SPOCK3: variants seen among roughly 807,000 people sequenced by gnomAD.
The protein encoded by SPOCK3 is testican-3.
A neutral mutation model predicts 56.6 loss-of-function variants in SPOCK3; 30 were observed. The observed-to-expected ratio is 0.53, with a 90% CI of 0.40 to 0.72. SPOCK3 has a LOEUF of 0.72. Among genes scored for constraint, SPOCK3 ranks in the 30% least tolerant of loss-of-function variants. The pLI, the probability that SPOCK3 is intolerant of heterozygous loss-of-function variation, is 0.00. For missense variants in SPOCK3, 527 were observed against 530.0 expected, an observed-to-expected ratio of 0.99 and a Z score of 0.06; for synonymous variants, 196 against 183.3, an observed-to-expected ratio of 1.07 and a Z score of -0.56.
At chr4:166,912,597 T>G (rs918992315) in intron 5 of SPOCK3, 23 bp downstream of exon 5, 2 of 1,612,424 alleles carry the variant, frequency 1.2e-6, no homozygotes, top group Middle Eastern at 1.7e-4. Flanking sequence ...TATTTCAAAC[T>G]AAACAACTGT....
intron 2 of SPOCK3, among the ~76,000 whole-genome samples, chr4:167,064,666 AT>A (rs1179183892): frequency 1.3e-5 from 2 of 151,892 alleles, no homozygotes; most frequent in Admixed American, 6.6e-5. Context: ...TGAGTGATGG[AT>A]TTGGAGACGG....
chr4:167,148,494 A>AC (rs1764160494), intron 2 of SPOCK3, among the ~76,000 whole-genome samples: 1 of 152,196 alleles, frequency 6.6e-6, no homozygotes, highest in Non-Finnish European at 1.5e-5. Context: ...CAATCGTGTT[A>AC]AACTTTTACT....
At chr4:166,975,544 A>G (rs2150081969) in intron 4 of SPOCK3, among the ~76,000 whole-genome samples, 1 of 152,300 alleles carries the variant, frequency 6.6e-6, no homozygotes, top group East Asian at 1.9e-4. Context: ...AATATACTAT[A>G]AATTACTGTT....
At chr4:166,916,839 A>G (rs932480951) in intron 4 of SPOCK3, among the ~76,000 whole-genome samples, 4 of 152,206 alleles carry the variant, frequency 2.6e-5, no homozygotes, top group Non-Finnish European at 5.9e-5. Context: ...TCTTTAATAC[A>G]ATTACTTATA....
In SPOCK3 at chr4:166,949,998, C is replaced by T. The variant is rs957181341; in HGVS notation, c.351-37255G>A. Among the ~76,000 whole-genome samples, 5 of 150,818 alleles carry T rather than the reference C, an allele frequency of 3.3e-5. No individual in the cohort carries two copies. The East Asian group carries it at 9.6e-4, about 29-fold the overall frequency. On this transcript the variant is annotated intron_variant, in intron 4 of 10. Transcript: ENST00000357545. ...GCAAAATCATGCCAAAATGTAAAGA[C>T]CATCGAGACTAGGAAGAAACTGCAT...
chr4:166,748,401 A>G (rs1735931392), intron 8 of SPOCK3, among the ~76,000 whole-genome samples: 1 of 137,348 alleles, frequency 7.3e-6, no homozygotes, highest in African/African-American at 3.1e-5. Context: ...TTCCCTTTTT[A>G]ATAAATGGTG....
intron 5 of SPOCK3, among the ~76,000 whole-genome samples, chr4:166,896,002 C>A (rs945474824): frequency 6.6e-6 from 1 of 152,010 alleles, no homozygotes; most frequent in African/African-American, 2.4e-5. Flanking sequence ...GACACCAGGG[C>A]CCAGATCACA....
At chr4:166,860,643 A>G (rs1731128976) in intron 6 of SPOCK3, among the ~76,000 whole-genome samples, 1 of 151,584 alleles carries the variant, frequency 6.6e-6, no homozygotes, top group Admixed American at 6.6e-5. Context: ...AAGAATCAGG[A>G]AGATAGAAGA....
chr4:167,003,915 G>GT (rs1402698620), intron 3 of SPOCK3, among the ~76,000 whole-genome samples: 1 of 152,102 alleles, frequency 6.6e-6, no homozygotes, highest in Admixed American at 6.6e-5. Flanking sequence ...CAGAATACTT[G>GT]TTTTTTAGTC....
intron 7 of SPOCK3, among the ~76,000 whole-genome samples, chr4:166,762,706 C>T (rs889390000): frequency 6.6e-6 from 1 of 152,054 alleles, no homozygotes; most frequent in African/African-American, 2.4e-5. Flanking sequence ...CTATATGCAA[C>T]ATTCTAACTA....
chr4:167,061,533 T>G (rs1755607937), intron 3 of SPOCK3, among the ~76,000 whole-genome samples: 1 of 151,964 alleles, frequency 6.6e-6, no homozygotes, highest in African/African-American at 2.4e-5. Flanking sequence ...TATGTCTAGG[T>G]CCACACAGGT....
chr4:167,125,814 T>C (rs1234743668), intron 2 of SPOCK3, among the ~76,000 whole-genome samples: 1 of 152,214 alleles, frequency 6.6e-6, no homozygotes, highest in Non-Finnish European at 1.5e-5. Flanking sequence ...TTGACAGTGT[T>C]GGTGACTGAT....
At chr4:167,224,991 G>C (rs1736445626) in intron 2 of SPOCK3, among the ~76,000 whole-genome samples, 1 of 152,016 alleles carries the variant, frequency 6.6e-6, no homozygotes, top group African/African-American at 2.4e-5. Flanking sequence ...TACTGAAATA[G>C]CATAATTTAA....
chr4:167,033,392 C>CATTATT (rs55774234), intron 3 of SPOCK3, among the ~76,000 whole-genome samples: 3,919 of 146,532 alleles, frequency 0.027, 161 homozygotes, highest in African/African-American at 0.089. Flanking sequence ...AGCAATTATT[C>CATTATT]ATTATTATTA....
intron 2 of SPOCK3, among the ~76,000 whole-genome samples, chr4:167,199,902 TA>T (rs1013966948): frequency 2.0e-5 from 3 of 149,162 alleles, no homozygotes; most frequent in South Asian, 2.1e-4. Flanking sequence ...TACAAATAAA[TA>T]AAAAAATATG....
chr4:166,840,581 CAAATA>C (rs932401979), intron 6 of SPOCK3, among the ~76,000 whole-genome samples: 3 of 151,960 alleles, frequency 2.0e-5, no homozygotes, highest in East Asian at 1.9e-4. Context: ...TTATACAATG[CAAATA>C]AAATAAAATA....
intron 9 of SPOCK3, 101 bp downstream of exon 9, chr4:166,741,896 G>T: frequency 2.4e-6 from 2 of 822,544 alleles, no homozygotes; most frequent in South Asian, 1.6e-5. Flanking sequence ...GAAATTTAGT[G>T]CAGTCTATCT....
chr4:166,880,857 C>T (rs956382339), intron 6 of SPOCK3, among the ~76,000 whole-genome samples: 14 of 152,258 alleles, frequency 9.2e-5, no homozygotes, highest in African/African-American at 2.9e-4. Flanking sequence ...TTGAACCATC[C>T]GGTTTAACCT....
chr4:167,188,613 C>T lies in SPOCK3; in HGVS notation c.189+45372G>A, dbSNP rs891669757. 5.5e-5 allele frequency among the ~76,000 whole-genome samples: 8 copies of T among 144,466 alleles called. 2 individuals carry two copies. The highest frequency in any genetic ancestry group is 1.2e-4 in the Non-Finnish European group (8 of 66,710). 94.8% of individuals were successfully genotyped at this position (144,466 alleles called of 152,430 possible). ...TGGAAAGTGGAGATAAATTTGAGCCCCAAATAAGCGAAAAAATAAATAAGA... is the reference window on the plus strand; with the variant it reads ...TGGAAAGTGGAGATAAATTTGAGCCTCAAATAAGCGAAAAAATAAATAAGA... On this transcript the variant is annotated intron_variant, in intron 2 of 10. Transcript: ENST00000357545.
Sources: gnomAD v4.1 joint callset for allele counts (sites outside exome capture counted in the v4.1 genomes callset) on GRCh38, gnomAD v4.1.1 for gene constraint, MANE v1.5 for transcripts, NCBI Gene and HGNC (gene_info 2026-07-23, HGNC 2026-07-21) for gene names.